The following AHCY variants were observed in gnomAD, a reference collection of about 807,000 sequenced individuals.
The protein encoded by AHCY is S-adenosyl-L-homocysteine hydrolase.
Under a neutral mutation model 45.4 loss-of-function variants are expected in AHCY, and 24 were observed. The observed-to-expected ratio is 0.53, with a 90% CI of 0.38 to 0.74. The LOEUF (loss-of-function observed/expected upper bound fraction) is 0.74. AHCY is among the 30% of genes least tolerant of loss of function. AHCY has a pLI of 0.00. For missense variants in AHCY, 449 were observed against 594.1 expected (o/e 0.76, Z 2.54); for synonymous variants, 245 against 235.1 (o/e 1.04, Z -0.39).
the AHCY span, among the ~76,000 whole-genome samples, chr20:34,268,689 G>A: frequency 0.13 from 19,602 of 151,374 alleles, 1,345 homozygotes; most frequent in East Asian, 0.21. Context: ...AGCCGAGATC[G>A]CGCCACTGCA....
chr20:34,249,598 C>G, the AHCY span, among the ~76,000 whole-genome samples: 1 of 152,108 alleles, frequency 6.6e-6, no homozygotes, highest in Non-Finnish European at 1.5e-5. Flanking sequence ...TGGTTTAATG[C>G]TCTCCTGTCA....
At chr20:34,285,191 G>A (rs545303317) in intron 9 of AHCY, among the ~76,000 whole-genome samples, 2 of 152,246 alleles carry the variant, frequency 1.3e-5, no homozygotes, top group South Asian at 2.1e-4. Flanking sequence ...GGTGTGTCCC[G>A]CTCCAAGGCC....
intron 1 of AHCY, among the ~76,000 whole-genome samples, chr20:34,296,823 G>C (rs1256544511): frequency 6.6e-6 from 1 of 152,258 alleles, no homozygotes; most frequent in South Asian, 2.1e-4. Flanking sequence ...GGACTCTGTA[G>C]AGAATTTAAT....
chr20:34,239,429 C>G, the AHCY span, among the ~76,000 whole-genome samples: 2 of 152,204 alleles, frequency 1.3e-5, no homozygotes, highest in Admixed American at 6.5e-5. Context: ...GTTGGCCAGG[C>G]TCTTCTCGAA....
chr20:34,279,007 G>A (rs1176511437), downstream of AHCY, among the ~76,000 whole-genome samples: 1 of 151,190 alleles, frequency 6.6e-6, no homozygotes, highest in East Asian at 2.0e-4. Context: ...TACTTGGGAG[G>A]CTGAGGCAGG....
At chr20:34,258,239 C>T in the AHCY span, among the ~76,000 whole-genome samples, 1 of 151,860 alleles carries the variant, frequency 6.6e-6, no homozygotes, top group South Asian at 2.1e-4. Flanking sequence ...TATTCCAATC[C>T]ATCATGATTC....
At chr20:34,305,159 CA>C (rs528737503), upstream of AHCY, among the ~76,000 whole-genome samples, 370 of 109,290 alleles carry the variant, frequency 3.4e-3, 1 homozygote, top group Admixed American at 3.4e-3. Flanking sequence ...ACTAAAAATA[CA>C]AAAAAAAAAA....
chr20:34,269,492 G>A, the AHCY span: 2 of 385,082 alleles, frequency 5.2e-6, no homozygotes, highest in Non-Finnish European at 9.2e-6. Flanking sequence ...CGACCTGGGG[G>A]TTAGGAACGA....
Position 34,280,746 on chromosome 20 carries a change from C to G in AHCY, c.*288G>C, listed in dbSNP as rs575932572. ...TGTGACTCCACTACTGACTTCCAGG[C>G]TAAGGAAGGACTGACTTAGTGAGCT... is the stretch of plus-strand genomic sequence containing the variant. On this transcript the variant is annotated 3_prime_UTR_variant, in exon 10 of 10. Coordinates refer to ENST00000217426, the MANE Select transcript of AHCY (RefSeq NM_000687.4). The G allele has an allele frequency of 9.1e-5, 43 of 471,240 alleles. No homozygotes were observed. Among genetic ancestry groups the G allele is most frequent in the South Asian group, 2.1e-4 (10 of 48,272 alleles). The allele number at this position is 471,240 out of a possible 1,614,324, so 29.2% of individuals were successfully genotyped here. A position where few individuals can be genotyped will look rare whatever the true frequency, so the allele number is the denominator to read the frequency against.
chr20:34,263,005 A>G, the AHCY span: 1 of 1,258,444 alleles, frequency 7.9e-7, no homozygotes, highest in Non-Finnish European at 1.1e-6. Flanking sequence ...TCAGGCCTAT[A>G]TTAACAAAAG....
chr20:34,255,879 C>T, the AHCY span, among the ~76,000 whole-genome samples: 15 of 152,112 alleles, frequency 9.9e-5, no homozygotes, highest in Non-Finnish European at 1.9e-4. Context: ...CTTAGCAGAC[C>T]GAGAAAGGGA....
the AHCY span, among the ~76,000 whole-genome samples, chr20:34,238,384 T>C: frequency 6.6e-6 from 1 of 152,176 alleles, no homozygotes; most frequent in East Asian, 1.9e-4. Flanking sequence ...TTTTCATGGT[T>C]CTATCTTCAA....
chr20:34,301,285 A>AC (rs1056037218), intron 1 of AHCY, among the ~76,000 whole-genome samples: 3 of 151,428 alleles, frequency 2.0e-5, no homozygotes, highest in African/African-American at 7.3e-5. Context: ...GCTAAGCTCC[A>AC]CCCCTCCACC....
the AHCY span, chr20:34,246,193 CT>C: frequency 5.2e-6 from 7 of 1,356,580 alleles, no homozygotes; most frequent in Middle Eastern, 5.5e-4. Context: ...GAATTTTGGC[CT>C]TAGTAAGCTT....
chr20:34,256,504 A>C, the AHCY span, among the ~76,000 whole-genome samples: 1 of 152,228 alleles, frequency 6.6e-6, no homozygotes, highest in South Asian at 2.1e-4. Context: ...AGGTCTCTCT[A>C]TGTTGCCAGG....
intron 1 of AHCY, among the ~76,000 whole-genome samples, chr20:34,310,288 T>C (rs1002654945): frequency 2.0e-5 from 3 of 152,298 alleles, no homozygotes; most frequent in Admixed American, 6.5e-5. Context: ...CTTGAACGCC[T>C]GACCTCGTGA....
At chr20:34,268,945 G>C in the AHCY span, 20 of 1,560,464 alleles carry the variant, frequency 1.3e-5, 1 homozygote, top group Middle Eastern at 1.7e-4. Flanking sequence ...GAGGACCGGA[G>C]GGGTGGGCGT....
At chr20:34,251,378 C>A in the AHCY span, among the ~76,000 whole-genome samples, 3 of 151,940 alleles carry the variant, frequency 2.0e-5, no homozygotes, top group Admixed American at 2.0e-4. Flanking sequence ...TCACACCATT[C>A]TCCTGCCTCA....
downstream of AHCY, among the ~76,000 whole-genome samples, chr20:34,276,710 C>T (rs1430641867): frequency 1.3e-5 from 2 of 152,166 alleles, no homozygotes; most frequent in East Asian, 1.9e-4. Context: ...ATCCTGGAGT[C>T]GCTCCTGCAC....
Sources: gnomAD v4.1 joint callset for allele counts (sites outside exome capture counted in the v4.1 genomes callset) on GRCh38, gnomAD v4.1.1 for gene constraint, MANE v1.5 for transcripts, NCBI Gene and HGNC (gene_info 2026-07-23, HGNC 2026-07-21) for gene names.